Variants in RPE65 observed in about 807,000 individuals in gnomAD.
The protein encoded by RPE65 is retinoid isomerohydrolase RPE65, also known as retinoid isomerohydrolase.
Under a neutral mutation model 68.5 loss-of-function variants are expected in RPE65, and 58 were observed. That is an observed-to-expected ratio of 0.85 (90% CI 0.69 to 1.05). RPE65 has a LOEUF of 1.05. Ranked by LOEUF, RPE65 falls within the 50% of genes least tolerant of loss-of-function variation. The pLI, the probability that RPE65 is intolerant of heterozygous loss-of-function variation, is 0.00. For synonymous variants in RPE65, 220 were observed against 222.2 expected, an observed-to-expected ratio of 0.99 and a Z score of 0.09; for missense variants, 643 against 629.9, an observed-to-expected ratio of 1.02 and a Z score of -0.22.
At chr1:68,444,489 CA>C (rs762554543) in intron 5 of RPE65, 41 bp downstream of exon 5, 1 of 1,612,244 alleles carries the variant, frequency 6.2e-7, no homozygotes. Flanking sequence ...TTTTAAGTTC[CA>C]AATTCTAAAT....
chr1:68,441,766 C>T (rs931457373), intron 5 of RPE65, among the ~76,000 whole-genome samples: 1 of 152,112 alleles, frequency 6.6e-6, no homozygotes. Context: ...TGAATAATTA[C>T]TGGAATATAT....
At chr1:68,431,675 CT>C in intron 10 of RPE65, 90 bp from the exon 11 acceptor site, 3 of 1,106,026 alleles carry the variant, frequency 2.7e-6, no homozygotes, top group Non-Finnish European at 4.1e-6. Flanking sequence ...CTCCTAAGTT[CT>C]TTTTTAGGTC....
At position 68,444,512 on chromosome 1, in the gene RPE65, A is replaced by G; in HGVS notation, c.495+19T>C. ...TCCAAATTCTAAATTCCTGAACATC[A>G]CCTAGCACTGTGTCCCACCTGCTTA... is the stretch of plus-strand genomic sequence containing the variant. On this transcript the variant is annotated intron_variant, in intron 5 of 13. Transcript: ENST00000262340. 2 of 1,613,968 alleles carry G rather than the reference A, an allele frequency of 1.2e-6. No individual in the cohort carries two copies. The highest frequency in any genetic ancestry group is 2.2e-5 in the East Asian group (1 of 44,862).
intron 10 of RPE65, among the ~76,000 whole-genome samples, chr1:68,433,848 G>A (rs1200969262): frequency 1.3e-5 from 2 of 151,930 alleles, no homozygotes; most frequent in African/African-American, 4.8e-5. Flanking sequence ...GGAAAGGAAG[G>A]TCTACATGAG....
At chr1:68,436,013 C>T (rs1190710453) in intron 10 of RPE65, among the ~76,000 whole-genome samples, 2 of 152,230 alleles carry the variant, frequency 1.3e-5, no homozygotes, top group Non-Finnish European at 2.9e-5. Context: ...ATGATTATTA[C>T]AGTTCCCTAT....
intron 13 of RPE65, 66 bp downstream of exon 13, chr1:68,430,999 C>T (rs1312494431): frequency 1.6e-6 from 2 of 1,283,698 alleles, no homozygotes; most frequent in African/African-American, 2.9e-5. Context: ...TTACTCCTTT[C>T]CTAACGAACT....
Position 68,435,958 on chromosome 1 carries a change from A to G in RPE65, c.1128+2229T>C, listed in dbSNP as rs113838052. Among the ~76,000 whole-genome samples, 275 of 152,330 alleles carry G rather than the reference A, an allele frequency of 1.8e-3. 1 individual carries two copies. The highest frequency in any genetic ancestry group is 5.1e-3 in the African/African-American group (212 of 41,580). On this transcript the variant is annotated intron_variant, in intron 10 of 13. Transcript: ENST00000262340. ...CTGTTTTAGTGGCTACTCAATAACTATTAGAAGAAAGAGGAGACGGATTTG... is the reference window on the plus strand; with the variant it reads ...CTGTTTTAGTGGCTACTCAATAACTGTTAGAAGAAAGAGGAGACGGATTTG...
intron 3 of RPE65, among the ~76,000 whole-genome samples, chr1:68,445,660 T>G (rs1025084826): frequency 6.6e-6 from 1 of 151,976 alleles, no homozygotes; most frequent in African/African-American, 2.4e-5. Context: ...ACTACAGGCG[T>G]GTACCACCAC....
intron 13 of RPE65, among the ~76,000 whole-genome samples, 170 bp from the exon 14 acceptor site, chr1:68,430,097 G>A (rs1645815548): frequency 6.6e-6 from 1 of 152,114 alleles, no homozygotes; most frequent in Admixed American, 6.6e-5. Context: ...ACCTAAAGAG[G>A]TCTTTTAAAC....
In RPE65 at chr1:68,431,327, G is replaced by T. The variant is rs1289316104; in HGVS notation, c.1293C>A (p.Tyr431Ter). Residue 431 changes from tyrosine (Y) to a stop codon, truncating the protein, a stop_gained, in exon 12 of 14, where the codon TAC becomes TAA. Transcript: ENST00000262340. LOFTEE classifies it high-confidence loss of function. ...INYQKYCGKP[Y>*]TYAYGLGLNH... is the part of the protein sequence containing the mutation. ...TCAAGCCAAGTCCATACGCATATGTGTAAGGTTTCCCACAATACTTCTGGT... is the reference window on the plus strand; with the variant it reads ...TCAAGCCAAGTCCATACGCATATGTTTAAGGTTTCCCACAATACTTCTGGT... The T allele has an allele frequency of 6.2e-7, 1 of 1,613,988 alleles. No individual in the cohort carries two copies. Among genetic ancestry groups the T allele is most frequent in the Non-Finnish European group, 8.5e-7 (1 of 1,179,932 alleles).
intron 3 of RPE65, among the ~76,000 whole-genome samples, chr1:68,446,343 G>A (rs529484595): frequency 1.5e-4 from 23 of 151,676 alleles, no homozygotes; most frequent in African/African-American, 5.1e-4. Flanking sequence ...TAGACACTGC[G>A]CTCTCATTTA....
intron 1 of RPE65, 116 bp from the exon 2 acceptor site, chr1:68,448,822 C>T (rs1267948271): frequency 1.2e-5 from 5 of 414,218 alleles, no homozygotes; most frequent in Non-Finnish European, 2.3e-5. Flanking sequence ...CTGTTCACTC[C>T]TGCCGGTCTA....
At chr1:68,440,832 A>G in intron 6 of RPE65, 21 bp downstream of exon 6, 1 of 1,613,652 alleles carries the variant, frequency 6.2e-7, no homozygotes, top group Non-Finnish European at 8.5e-7. Flanking sequence ...TTTTCAGAAG[A>G]GGACAGATTG....
In RPE65 at chr1:68,436,638, T is replaced by C. The variant is rs913295119; in HGVS notation, c.1128+1549A>G. On this transcript the variant is annotated intron_variant, in intron 10 of 13. Transcript: ENST00000262340. ...CATGCACCACCATGCCCAGCTAATT[T>C]TGTGTTTTTAGTAAAGATGAGGTTT... 9.9e-5 allele frequency among the ~76,000 whole-genome samples: 15 copies of C among 152,030 alleles called. No individual in the cohort carries two copies. The East Asian group carries it at 2.9e-3, about 30-fold the overall frequency.
chr1:68,441,826 G>A (rs571076350), intron 5 of RPE65, among the ~76,000 whole-genome samples: 6 of 152,214 alleles, frequency 3.9e-5, no homozygotes, highest in Middle Eastern at 3.4e-3. Context: ...TTTTTTTAAA[G>A]CATAGGACAT....
In RPE65 at chr1:68,438,997, T is replaced by G; in HGVS notation, c.943A>C (p.Ile315Leu). 1 of 1,614,124 alleles carries G rather than the reference T, an allele frequency of 6.2e-7. No individual in the cohort carries two copies. The highest frequency in any genetic ancestry group is 8.5e-7 in the Non-Finnish European group (1 of 1,179,982). ...RTSPFNLFHH[I>L]NTYEDNGFLI... is the part of the protein sequence containing the mutation. ...AACCCATTGTCTTCATAGGTGTTGATGTGATGGAAGAGGTTGAAAGGAGAA... is the reference window on the plus strand; with the variant it reads ...AACCCATTGTCTTCATAGGTGTTGAGGTGATGGAAGAGGTTGAAAGGAGAA... The change falls in exon 9 of 14, where the codon ATC (isoleucine) becomes CTC (leucine). Residue 315 changes from isoleucine (I) to leucine (L), a missense_variant. Transcript: ENST00000262340.
chr1:68,448,574 G>A (rs1450699644), intron 2 of RPE65, 50 bp downstream of exon 2: 3 of 1,544,256 alleles, frequency 1.9e-6, no homozygotes, highest in Non-Finnish European at 2.7e-6. Context: ...GGAAGCCAGA[G>A]AAGAGAGACT....
chr1:68,448,775 C>A, intron 1 of RPE65, 69 bp from the exon 2 acceptor site: 1 of 1,308,762 alleles, frequency 7.6e-7, no homozygotes, highest in Non-Finnish European at 1.1e-6. Context: ...AGAGGCAGAG[C>A]TGCAGGAGAG....
Position 68,429,659 on chromosome 1 carries a change from G to A in RPE65, c.*117C>T, listed in dbSNP as rs543498979. ...TCTGTAAAACATTGCAAAATTGTGC[G>A]CATCTGCAAGTTAAAACCATGACAT... On this transcript the variant is annotated 3_prime_UTR_variant, in exon 14 of 14. Coordinates refer to ENST00000262340, the MANE Select transcript of RPE65 (RefSeq NM_000329.3). 3.1e-5 allele frequency: 38 copies of A among 1,225,088 alleles called. 1 individual carries two copies. Among genetic ancestry groups the A allele is most frequent in the Middle Eastern group, 2.3e-4 (1 of 4,396 alleles). The allele number at this position is 1,225,088 out of a possible 1,614,324, so 75.9% of individuals were successfully genotyped here. A position where few individuals can be genotyped will look rare whatever the true frequency, so the allele number is the denominator to read the frequency against.
Sources: allele counts gnomAD v4.1 joint callset (sites outside exome capture counted in the v4.1 genomes callset), GRCh38; gene constraint gnomAD v4.1.1; transcripts MANE v1.5; gene names NCBI Gene and HGNC (gene_info 2026-07-23, HGNC 2026-07-21).